SPOCK1: variants seen among roughly 807,000 people sequenced by gnomAD.
SPOCK1 encodes SPARC (osteonectin), cwcv and kazal like domains proteoglycan 1.
A neutral mutation model predicts 55.3 loss-of-function variants in SPOCK1; 23 were observed. That is an observed-to-expected ratio of 0.42 (90% CI 0.30 to 0.59). SPOCK1 has a LOEUF of 0.59. SPOCK1 is among the 20% of genes least tolerant of loss of function. The pLI is 0.22. For missense variants in SPOCK1, 499 were observed against 552.5 expected, an observed-to-expected ratio of 0.90 and a Z score of 0.97; for synonymous variants, 226 against 221.0, an observed-to-expected ratio of 1.02 and a Z score of -0.20.
rs376519680 is a variant in SPOCK1, at chr5:137,130,366, G to C, written c.347+10214C>G. On this transcript the variant is annotated intron_variant, in intron 4 of 10. Transcript: ENST00000394945. ...ACATATAACACAGTGTCTGGCAAATGGAAGGCACCCATAAGTATTTGTTGA... is the reference window on the plus strand; with the variant it reads ...ACATATAACACAGTGTCTGGCAAATCGAAGGCACCCATAAGTATTTGTTGA... 5.9e-5 allele frequency among the ~76,000 whole-genome samples: 9 copies of C among 152,214 alleles called. 2 individuals are homozygous for C. Among genetic ancestry groups the C allele is most frequent in the African/African-American group, 2.2e-4 (9 of 41,524 alleles).
chr5:137,497,266 TATC>T (rs1210810074), intron 2 of SPOCK1, among the ~76,000 whole-genome samples: 1 of 152,182 alleles, frequency 6.6e-6, no homozygotes, highest in African/African-American at 2.4e-5. Flanking sequence ...TAGGTCAAAT[TATC>T]ATATTTAAAA....
chr5:137,056,908 T>G, intron 6 of SPOCK1, among the ~76,000 whole-genome samples: 1 of 152,102 alleles, frequency 6.6e-6, no homozygotes, highest in Admixed American at 6.5e-5. Flanking sequence ...GCTAGGTTTG[T>G]TCATTCAAGA....
intron 2 of SPOCK1, among the ~76,000 whole-genome samples, chr5:137,396,945 A>G (rs1457178389): frequency 3.9e-5 from 6 of 152,166 alleles, no homozygotes; most frequent in African/African-American, 1.4e-4. Flanking sequence ...ACGCGTTTAT[A>G]CTTTGAATGC....
intron 2 of SPOCK1, among the ~76,000 whole-genome samples, chr5:137,427,444 C>A (rs1002195250): frequency 6.6e-6 from 1 of 152,106 alleles, no homozygotes. Flanking sequence ...TAGGAAGAAG[C>A]CAAGGGCATG....
chr5:137,125,199 T>G (rs1036125229), intron 4 of SPOCK1, among the ~76,000 whole-genome samples: 5 of 152,180 alleles, frequency 3.3e-5, no homozygotes, highest in African/African-American at 1.2e-4. Flanking sequence ...ACTGATTCAT[T>G]CATCCATTAA....
chr5:137,340,389 C>T (rs1018317659), intron 2 of SPOCK1, among the ~76,000 whole-genome samples: 2 of 152,226 alleles, frequency 1.3e-5, no homozygotes, highest in Admixed American at 1.3e-4. Context: ...CACTCTGAGG[C>T]TTCAGAACAT....
chr5:137,467,056 G>A (rs760104545), intron 2 of SPOCK1, among the ~76,000 whole-genome samples: 6 of 152,228 alleles, frequency 3.9e-5, no homozygotes, highest in Non-Finnish European at 5.9e-5. Flanking sequence ...CTCGCTGGCT[G>A]GCAACTAGAA....
At chr5:137,181,215 A>T (rs186134765) in intron 3 of SPOCK1, among the ~76,000 whole-genome samples, 304 of 152,346 alleles carry the variant, frequency 2.0e-3, no homozygotes, top group African/African-American at 7.0e-3. Context: ...AAGCAGCAGC[A>T]TGGGCAAACA....
rs1017401 is a variant in SPOCK1, at chr5:137,204,377, A to C, written c.232+62633T>G. ...TGTGTCTGGGAGAGCGCACTGTCTC[A>C]GCAGAAATGACTCAGCTCTGATGGA... On this transcript the variant is annotated intron_variant, in intron 3 of 10. Coordinates refer to ENST00000394945, the MANE Select transcript of SPOCK1 (RefSeq NM_004598.4). 3.4e-3 allele frequency among the ~76,000 whole-genome samples: 525 copies of C among 152,302 alleles called. 7 individuals are homozygous for C. Among genetic ancestry groups the C allele is most frequent in the Middle Eastern group, 0.027 (8 of 294 alleles).
intron 2 of SPOCK1, among the ~76,000 whole-genome samples, chr5:137,378,699 C>A (rs1380278876): frequency 6.6e-6 from 1 of 152,174 alleles, no homozygotes; most frequent in Non-Finnish European, 1.5e-5. Flanking sequence ...GGCAAACATG[C>A]CTGGCCTAAA....
chr5:137,182,258 A>T (rs1444205260), intron 3 of SPOCK1, among the ~76,000 whole-genome samples: 1 of 152,166 alleles, frequency 6.6e-6, no homozygotes, highest in Admixed American at 6.5e-5. Flanking sequence ...ATAATAAATG[A>T]ACTGCCAGTA....
intron 2 of SPOCK1, among the ~76,000 whole-genome samples, chr5:137,384,648 A>C (rs1751562567): frequency 6.6e-6 from 1 of 151,314 alleles, no homozygotes; most frequent in Non-Finnish European, 1.5e-5. Flanking sequence ...GTCCCTCTGA[A>C]GTTTCTAGGG....
At chr5:137,184,799 C>G (rs1299544345) in intron 3 of SPOCK1, among the ~76,000 whole-genome samples, 1 of 152,108 alleles carries the variant, frequency 6.6e-6, no homozygotes, top group Admixed American at 6.5e-5. Flanking sequence ...CTCAATGCCC[C>G]CTCTCCCTCC....
intron 3 of SPOCK1, among the ~76,000 whole-genome samples, chr5:137,228,006 T>C (rs745862590): frequency 2.6e-5 from 4 of 152,240 alleles, no homozygotes; most frequent in Admixed American, 6.5e-5. Flanking sequence ...AGCCCAAATA[T>C]GCAACAATGA....
At chr5:137,188,026 T>C (rs1755108006) in intron 3 of SPOCK1, among the ~76,000 whole-genome samples, 1 of 152,212 alleles carries the variant, frequency 6.6e-6, no homozygotes. Flanking sequence ...TAAGAACACA[T>C]CTCTTGCTTA....
In SPOCK1 at chr5:137,007,666, T is replaced by C. The variant is rs112515353; in HGVS notation, c.590-15066A>G. On this transcript the variant is annotated intron_variant, in intron 6 of 10. Coordinates refer to ENST00000394945, the MANE Select transcript of SPOCK1 (RefSeq NM_004598.4). Reference sequence around the variant, plus strand: ...AGATGCTGGAGAGGATGTGGAGAAATAGGAACACTTTTACACTGTGGGTGG... The same window carrying C: ...AGATGCTGGAGAGGATGTGGAGAAACAGGAACACTTTTACACTGTGGGTGG... Among the ~76,000 whole-genome samples, 798 of 152,164 alleles carry C rather than the reference T, an allele frequency of 5.2e-3. 11 individuals carry two copies. Among genetic ancestry groups the C allele is most frequent in the African/African-American group, 0.018 (750 of 41,522 alleles).
intron 2 of SPOCK1, among the ~76,000 whole-genome samples, chr5:137,285,806 G>A (rs1485781043): frequency 6.6e-6 from 1 of 152,138 alleles, no homozygotes; most frequent in Non-Finnish European, 1.5e-5. Flanking sequence ...TGTAAGAGGG[G>A]AGAATACCAC....
In SPOCK1 at chr5:136,988,518, C is replaced by T. The variant is rs145057831; in HGVS notation, c.832G>A (p.Glu278Lys). ...EINAIYLDKY[E>K]PCIKPLFNSC... ...TTGAAAAGAGGCTTGATACAGGGCT[C>T]GTACTTATCCAGGTAGATGGCATTG... The change falls in exon 8 of 11, where the codon GAG becomes AAG. Residue 278 changes from glutamate (E) to lysine (K), a missense_variant. Glu to Lys is a moderately conservative substitution (Grantham distance 56, BLOSUM62 1). Transcript: ENST00000394945. The T allele has an allele frequency of 5.4e-5, 87 of 1,614,124 alleles. No homozygotes were observed. The highest frequency in any genetic ancestry group is 1.8e-4 in the East Asian group (8 of 44,866).
Position 137,289,249 on chromosome 5 carries a change from T to C in SPOCK1, c.187-22194A>G, listed in dbSNP as rs570865054. On this transcript the variant is annotated intron_variant, in intron 2 of 10. Coordinates refer to ENST00000394945, the MANE Select transcript of SPOCK1 (RefSeq NM_004598.4). ...TTGTTTAATAAATGATTATAAATTA[T>C]ATGTATTTTAACCCTTACCTCCTTT... Among the ~76,000 whole-genome samples the C allele has an allele frequency of 3.3e-5, 5 of 152,360 alleles. No homozygotes were observed. The East Asian group carries it at 9.7e-4, about 29-fold the overall frequency.
Sources: allele counts gnomAD v4.1 joint callset (sites outside exome capture counted in the v4.1 genomes callset), GRCh38; gene constraint gnomAD v4.1.1; transcripts MANE v1.5; gene names NCBI Gene and HGNC (gene_info 2026-07-23, HGNC 2026-07-21).